Variants in TENM4 observed in about 807,000 individuals in gnomAD.
The protein encoded by TENM4 is teneurin transmembrane protein 4.
TENM4 carries 82 observed loss-of-function variants against 243.3 expected under a neutral mutation model. The observed-to-expected ratio is 0.34, with a 90% CI of 0.28 to 0.40. The LOEUF (loss-of-function observed/expected upper bound fraction) is 0.40. Among genes scored for constraint, TENM4 ranks in the 10% least tolerant of loss-of-function variants. The probability of loss-of-function intolerance (pLI) is 1.00; values close to 1 mark genes in which losing one functional copy is unlikely to be tolerated. For missense variants in TENM4, 3,138 were observed against 3,673.3 expected (o/e 0.85, Z 3.77); for synonymous variants, 1,412 against 1,456.3 (o/e 0.97, Z 0.69).
intron 1 of TENM4, among the ~76,000 whole-genome samples, chr11:79,413,769 T>C (rs945667744): frequency 3.3e-5 from 5 of 152,198 alleles, no homozygotes; most frequent in Non-Finnish European, 7.3e-5. Context: ...TATTATTACT[T>C]TTCTTAGGAA....
At chr11:79,321,451 C>T (rs1432522471) in intron 1 of TENM4, among the ~76,000 whole-genome samples, 1 of 151,952 alleles carries the variant, frequency 6.6e-6, no homozygotes, top group Non-Finnish European at 1.5e-5. Flanking sequence ...GTTCGATGTC[C>T]CAAATGATTC....
intron 12 of TENM4, among the ~76,000 whole-genome samples, chr11:78,816,904 C>G (rs1393537578): frequency 6.6e-6 from 1 of 152,188 alleles, no homozygotes; most frequent in African/African-American, 2.4e-5. Flanking sequence ...GTTTTGGGAT[C>G]TACTCTTAGT....
At chr11:79,236,317 G>A (rs992856643) in intron 2 of TENM4, among the ~76,000 whole-genome samples, 2 of 152,092 alleles carry the variant, frequency 1.3e-5, no homozygotes, top group African/African-American at 4.8e-5. Context: ...CCTTCTAGTC[G>A]AAGTCTCCTG....
chr11:78,734,300 G>C (rs577128256), intron 20 of TENM4, among the ~76,000 whole-genome samples: 15 of 152,242 alleles, frequency 9.9e-5, no homozygotes, highest in African/African-American at 3.4e-4. Context: ...TGAACCACTG[G>C]AGAGGAACTT....
intron 1 of TENM4, among the ~76,000 whole-genome samples, chr11:79,436,112 G>T (rs1859267009): frequency 6.6e-6 from 1 of 152,138 alleles, no homozygotes; most frequent in African/African-American, 2.4e-5. Flanking sequence ...GGGATAAGGA[G>T]GTAGAAAGGA....
intron 12 of TENM4, among the ~76,000 whole-genome samples, chr11:78,827,764 C>T (rs1458970288): frequency 6.6e-6 from 1 of 152,170 alleles, no homozygotes; most frequent in Admixed American, 6.5e-5. Context: ...GCTGGGATTA[C>T]AGGCGTGAGC....
chr11:78,840,273 A>C (rs1202746456), intron 12 of TENM4, among the ~76,000 whole-genome samples: 1 of 152,184 alleles, frequency 6.6e-6, no homozygotes, highest in Non-Finnish European at 1.5e-5. Context: ...CACTTTCTCA[A>C]AATTATACAG....
chr11:79,056,644 A>G (rs1041049160), intron 6 of TENM4, among the ~76,000 whole-genome samples: 2 of 152,096 alleles, frequency 1.3e-5, no homozygotes, highest in African/African-American at 4.8e-5. Flanking sequence ...TCAAAAAATG[A>G]TGGTTCCAAG....
In TENM4 at chr11:79,064,927, G is replaced by C; in HGVS notation, c.304C>G (p.Leu102Val). ...CCCATGGAGTAGCCGCAGTGGGGGA[G>C]GCCAATGTCTGTCCGGTACAGGGTC... ...HGTLYRTDIG[L>V]PHCGYSMGAG... Residue 102 changes from leucine to valine, a missense_variant, in exon 6 of 34, where the codon CTC becomes GTC. Leu to Val is a conservative substitution (Grantham distance 32). Transcript: ENST00000278550. 1 of 1,538,254 alleles carries C rather than the reference G, an allele frequency of 6.5e-7. No homozygotes were observed. The highest frequency in any genetic ancestry group is 8.8e-7 in the Non-Finnish European group (1 of 1,138,004).
At chr11:78,933,444 A>G (rs556818047) in intron 6 of TENM4, among the ~76,000 whole-genome samples, 1 of 152,162 alleles carries the variant, frequency 6.6e-6, no homozygotes, top group Admixed American at 6.5e-5. Flanking sequence ...ATTAAGGCAT[A>G]ATTAAAGATT....
intron 3 of TENM4, among the ~76,000 whole-genome samples, chr11:79,159,499 T>C (rs1862696212): frequency 6.6e-6 from 1 of 152,206 alleles, no homozygotes; most frequent in African/African-American, 2.4e-5. Context: ...TTGTCATTCC[T>C]TTTGTCCTTA....
intron 1 of TENM4, among the ~76,000 whole-genome samples, chr11:79,327,890 A>T (rs1270542198): frequency 6.6e-6 from 1 of 152,160 alleles, no homozygotes; most frequent in Admixed American, 6.5e-5. Flanking sequence ...CTGACCATGA[A>T]CTATGAAAAG....
chr11:78,659,320 T>C (rs1857975946), intron 33 of TENM4, among the ~76,000 whole-genome samples: 1 of 152,228 alleles, frequency 6.6e-6, no homozygotes, highest in Non-Finnish European at 1.5e-5. Context: ...TCCAATTTCA[T>C]GTCTAAGGAA....
chr11:78,827,575 C>T (rs146328348), intron 12 of TENM4, among the ~76,000 whole-genome samples: 4,346 of 152,000 alleles, frequency 0.029, 184 homozygotes, highest in African/African-American at 0.099. Flanking sequence ...CTGAAACCTC[C>T]GCCTCCCGGG....
At position 79,031,112 on chromosome 11, in the gene TENM4, G is replaced by A. The variant is rs138085396; in HGVS notation, c.493+33626C>T. Among the ~76,000 whole-genome samples the A allele has an allele frequency of 8.1e-4, 124 of 152,288 alleles. 2 individuals carry two copies. Among genetic ancestry groups the A allele is most frequent in the African/African-American group, 3.0e-3 (123 of 41,562 alleles). On this transcript the variant is annotated intron_variant, in intron 6 of 33. Coordinates refer to ENST00000278550, the MANE Select transcript of TENM4 (RefSeq NM_001098816.3). Reference sequence around the variant, plus strand: ...CTTAATCTTGTATCCGTAGCACCCAGCACAGTGCCTGACATGGAGGAGGGG... The same window carrying A: ...CTTAATCTTGTATCCGTAGCACCCAACACAGTGCCTGACATGGAGGAGGGG...
chr11:78,940,285 CAGA>C (rs949788190), intron 6 of TENM4, among the ~76,000 whole-genome samples: 3 of 152,270 alleles, frequency 2.0e-5, no homozygotes, highest in Admixed American at 1.3e-4. Context: ...ATCAAATGGA[CAGA>C]AGATGTTATT....
chr11:78,666,349 T>G (rs1202868914), intron 32 of TENM4, among the ~76,000 whole-genome samples: 3 of 152,232 alleles, frequency 2.0e-5, no homozygotes, highest in Admixed American at 2.0e-4. Context: ...TAAGTATTCT[T>G]TTGCAAACCT....
In TENM4 at chr11:78,672,277, T is replaced by G; in HGVS notation, c.5549A>C (p.Glu1850Ala). The change falls in exon 31 of 34, where the codon GAG becomes GCG. Residue 1850 changes from glutamate to alanine, a missense_variant. This residue lies in a region of TENM4 where 2,467 missense variants were observed against 3,059.1 expected (regional missense o/e 0.81). Coordinates refer to ENST00000278550, the MANE Select transcript of TENM4 (RefSeq NM_001098816.3). Reference sequence around the variant, plus strand: ...CTTGCGGTGGTCATCATAGATCTTCTCTGTGCGTGTTACGCGATCAAAGTC... The same window carrying G: ...CTTGCGGTGGTCATCATAGATCTTCGCTGTGCGTGTTACGCGATCAAAGTC... ...SLDFDRVTRT[E>A]KIYDDHRKFT... 1.2e-6 allele frequency: 2 copies of G among 1,613,908 alleles called. No homozygotes were observed. The highest frequency in any genetic ancestry group is 1.7e-6 in the Non-Finnish European group (2 of 1,179,830).
At chr11:79,035,757 T>C (rs777453946) in intron 6 of TENM4, among the ~76,000 whole-genome samples, 2 of 152,222 alleles carry the variant, frequency 1.3e-5, no homozygotes, top group African/African-American at 4.8e-5. Context: ...TCCTACTTTT[T>C]GGTTCAAAAA....
Sources: gnomAD v4.1 joint callset for allele counts (sites outside exome capture counted in the v4.1 genomes callset) on GRCh38, gnomAD v4.1.1 for gene constraint, gnomAD v4.1.1 regional missense constraint, MANE v1.5 for transcripts, NCBI Gene and HGNC (gene_info 2026-07-23, HGNC 2026-07-21) for gene names.